The following GRAMD2B variants were observed in gnomAD, a reference collection of about 807,000 sequenced individuals.
GRAMD2B encodes GRAM domain containing 2B, also known as GRAM domain-containing protein 2B.
Under a neutral mutation model 59.2 loss-of-function variants are expected in GRAMD2B, and 41 were observed. That is an observed-to-expected ratio of 0.69 (90% CI 0.54 to 0.90). The LOEUF (loss-of-function observed/expected upper bound fraction) is 0.90, where lower values mean the gene tolerates loss of function less well. Ranked by LOEUF, GRAMD2B falls within the 40% of genes least tolerant of loss-of-function variation. GRAMD2B has a pLI of 0.00. For missense variants in GRAMD2B, 424 were observed against 500.5 expected, an observed-to-expected ratio of 0.85 and a Z score of 1.46; for synonymous variants, 161 against 182.7, an observed-to-expected ratio of 0.88 and a Z score of 0.96.
chr5:126,368,853 T>A (rs1754594345), upstream of GRAMD2B, among the ~76,000 whole-genome samples: 2 of 152,242 alleles, frequency 1.3e-5, no homozygotes, highest in African/African-American at 4.8e-5. Flanking sequence ...AATTGCTGCG[T>A]AACTGAAATA....
At chr5:126,474,813 T>G (rs1309313398) in intron 5 of GRAMD2B, among the ~76,000 whole-genome samples, 1 of 152,214 alleles carries the variant, frequency 6.6e-6, no homozygotes, top group Non-Finnish European at 1.5e-5. Flanking sequence ...GACCCTGGTT[T>G]TTTGAAGACA....
chr5:126,473,403 T>A (rs1277416956), intron 5 of GRAMD2B, 35 bp downstream of exon 5: 1 of 683,682 alleles, frequency 1.5e-6, no homozygotes, highest in Non-Finnish European at 2.4e-6. Flanking sequence ...GCTAACCCTA[T>A]ACTTTATTAT....
At chr5:126,423,289 A>C, upstream of GRAMD2B, 1 of 1,191,438 alleles carries the variant, frequency 8.4e-7, no homozygotes, top group South Asian at 2.6e-5. Flanking sequence ...CTCTCCCGAA[A>C]GACTCGTTCA....
At chr5:126,467,149 TG>T (rs1768598503) in intron 2 of GRAMD2B, among the ~76,000 whole-genome samples, 1 of 151,868 alleles carries the variant, frequency 6.6e-6, no homozygotes, top group African/African-American at 2.4e-5. Context: ...ATTAGCCGGG[TG>T]TGGTAGTGCA....
chr5:126,454,846 G>T (rs1365244298), intron 1 of GRAMD2B, among the ~76,000 whole-genome samples: 1 of 152,176 alleles, frequency 6.6e-6, no homozygotes, highest in Middle Eastern at 3.2e-3. Flanking sequence ...CCCCTCCTCT[G>T]CAAAATCTGA....
At chr5:126,367,542 G>A (rs953258291), upstream of GRAMD2B, among the ~76,000 whole-genome samples, 12 of 151,980 alleles carry the variant, frequency 7.9e-5, no homozygotes, top group Non-Finnish European at 1.8e-4. Flanking sequence ...CCCATCCATC[G>A]AGCCTAGCAT....
intron 3 of GRAMD2B, among the ~76,000 whole-genome samples, chr5:126,470,494 T>A (rs536282887): frequency 6.6e-6 from 1 of 152,326 alleles, no homozygotes; most frequent in East Asian, 1.9e-4. Context: ...AAATATCCTT[T>A]ATAAAGGTGT....
chr5:126,384,702 C>A (rs898246181), intron 1 of GRAMD2B, among the ~76,000 whole-genome samples: 2 of 152,224 alleles, frequency 1.3e-5, no homozygotes, highest in African/African-American at 2.4e-5. Flanking sequence ...CTTCCTTGTG[C>A]CCAAGAAGTC....
intron 3 of GRAMD2B, among the ~76,000 whole-genome samples, chr5:126,470,375 A>C (rs1344339474): frequency 1.3e-5 from 2 of 152,196 alleles, no homozygotes; most frequent in Middle Eastern, 3.2e-3. Flanking sequence ...GTGTTTCCTA[A>C]GAGCTAAACC....
intron 1 of GRAMD2B, among the ~76,000 whole-genome samples, chr5:126,404,734 G>A (rs1271773067): frequency 1.3e-5 from 2 of 151,830 alleles, no homozygotes; most frequent in East Asian, 3.9e-4. Flanking sequence ...ATTGATCTTG[G>A]CACTAAGAGG....
chr5:126,459,750 C>A (rs1035547497), intron 1 of GRAMD2B, among the ~76,000 whole-genome samples: 25 of 152,100 alleles, frequency 1.6e-4, no homozygotes, highest in African/African-American at 5.3e-4. Context: ...TTTTGTGTGC[C>A]AGCTATTATG....
intron 1 of GRAMD2B, among the ~76,000 whole-genome samples, chr5:126,362,153 G>T (rs1354141943): frequency 6.6e-6 from 1 of 152,110 alleles, no homozygotes; most frequent in Non-Finnish European, 1.5e-5. Context: ...GCATGTTTAT[G>T]ACCTGACTCA....
intron 1 of GRAMD2B, among the ~76,000 whole-genome samples, chr5:126,456,715 T>C (rs79194198): frequency 6.6e-6 from 1 of 152,254 alleles, no homozygotes; most frequent in Admixed American, 6.5e-5. Context: ...CCTATTTTCA[T>C]GCATTTGTTT....
At chr5:126,443,945 G>C (rs1484864766) in intron 1 of GRAMD2B, among the ~76,000 whole-genome samples, 1 of 151,966 alleles carries the variant, frequency 6.6e-6, no homozygotes, top group Non-Finnish European at 1.5e-5. Flanking sequence ...CCAGCTACTA[G>C]GGAGGCTGAG....
At chr5:126,441,355 G>T (rs886934780) in intron 1 of GRAMD2B, among the ~76,000 whole-genome samples, 1 of 152,176 alleles carries the variant, frequency 6.6e-6, no homozygotes, top group Non-Finnish European at 1.5e-5. Flanking sequence ...GTAGGCTCTG[G>T]GCTATGGATT....
At chr5:126,369,494 A>G (rs1754634239), upstream of GRAMD2B, among the ~76,000 whole-genome samples, 1 of 152,220 alleles carries the variant, frequency 6.6e-6, no homozygotes, top group South Asian at 2.1e-4. Flanking sequence ...GTCAATAAAT[A>G]TTAGCCTAAT....
At chr5:126,361,408 A>G (rs182531839) in intron 1 of GRAMD2B, among the ~76,000 whole-genome samples, 2 of 151,816 alleles carry the variant, frequency 1.3e-5, no homozygotes, top group African/African-American at 4.8e-5. Context: ...TTGAATCCCA[A>G]CTCTGCTGCC....
At chr5:126,453,655 AAG>A (rs1463825622) in intron 1 of GRAMD2B, among the ~76,000 whole-genome samples, 5 of 152,206 alleles carry the variant, frequency 3.3e-5, no homozygotes, top group African/African-American at 1.2e-4. Flanking sequence ...TACTGCTGTG[AAG>A]TTAGTTTGAT....
At chr5:126,410,905 C>A (rs1438972267) in intron 1 of GRAMD2B, among the ~76,000 whole-genome samples, 3 of 151,894 alleles carry the variant, frequency 2.0e-5, no homozygotes, top group Non-Finnish European at 4.4e-5. Context: ...GTTTGTATGT[C>A]TTCTTTTGAG....
Sources: gnomAD v4.1 joint callset for allele counts (sites outside exome capture counted in the v4.1 genomes callset) on GRCh38, gnomAD v4.1.1 for gene constraint, MANE v1.5 for transcripts, NCBI Gene and HGNC (gene_info 2026-07-23, HGNC 2026-07-21) for gene names.